The following TSHZ3 variants were observed in gnomAD, a reference collection of about 807,000 sequenced individuals.
The protein encoded by TSHZ3 is teashirt homolog 3.
Under a neutral mutation model 64.5 loss-of-function variants are expected in TSHZ3, and 10 were observed. The observed-to-expected ratio is 0.16, with a 90% CI of 0.10 to 0.26. The LOEUF (loss-of-function observed/expected upper bound fraction) is 0.26, where lower values mean the gene tolerates loss of function less well. Ranked by LOEUF, TSHZ3 falls within the 10% of genes least tolerant of loss-of-function variation. The probability of loss-of-function intolerance (pLI) is 1.00; values close to 1 mark genes in which losing one functional copy is unlikely to be tolerated. For missense variants in TSHZ3, 1,242 were observed against 1,421.7 expected, an observed-to-expected ratio of 0.87 and a Z score of 2.03; for synonymous variants, 608 against 593.1, an observed-to-expected ratio of 1.03 and a Z score of -0.36.
At chr19:31,346,184 G>A (rs1306894222) in intron 1 of TSHZ3, among the ~76,000 whole-genome samples, 15 of 152,170 alleles carry the variant, frequency 9.9e-5, no homozygotes, top group Admixed American at 2.6e-4. Context: ...TATGAAGACC[G>A]TGTGTACCTG....
chr19:31,308,817 G>T (rs748705398), intron 1 of TSHZ3: 1 of 396,482 alleles, frequency 2.5e-6, no homozygotes, highest in Non-Finnish European at 4.4e-6. Context: ...GACTCCTACA[G>T]ATGGGCTTCA....
At chr19:31,344,588 G>T (rs947674920) in intron 1 of TSHZ3, among the ~76,000 whole-genome samples, 2 of 152,230 alleles carry the variant, frequency 1.3e-5, no homozygotes, top group South Asian at 2.1e-4. Context: ...CTGCCTCCCC[G>T]CGGGCCTGCC....
At chr19:31,227,374 C>A (rs150985272) in intron 4 of TSHZ3, among the ~76,000 whole-genome samples, 5 of 152,168 alleles carry the variant, frequency 3.3e-5, no homozygotes, top group Admixed American at 6.5e-5. Flanking sequence ...GGGTCAAGAC[C>A]ATTCACACCC....
intron 1 of TSHZ3, among the ~76,000 whole-genome samples, chr19:31,324,632 T>C (rs1451781768): frequency 1.3e-5 from 2 of 152,236 alleles, no homozygotes; most frequent in Admixed American, 1.3e-4. Context: ...CCCTGAAATC[T>C]GCCCCACCAG....
chr19:31,192,505 T>C (rs1974925694), intron 5 of TSHZ3, among the ~76,000 whole-genome samples: 1 of 152,270 alleles, frequency 6.6e-6, no homozygotes, highest in Non-Finnish European at 1.5e-5. Context: ...TTGCACTTAA[T>C]AGATGTCTTT....
intron 5 of TSHZ3, among the ~76,000 whole-genome samples, chr19:31,196,422 G>A (rs1974994668): frequency 6.6e-6 from 1 of 151,960 alleles, no homozygotes; most frequent in African/African-American, 2.4e-5. Context: ...CAAAGGGAAA[G>A]AGCAATGATT....
chr19:31,277,291 C>T lies in TSHZ3; in HGVS notation c.2502G>A (p.Met834Ile), dbSNP rs377247790. The stretch of plus-strand genomic sequence containing the variant: ...CATTCTCGCGTAGCGGCGAGTTTGA[C>T]ATGAATGATACGACGGCAGATGTCT... ...TAKTSAVVSF[M>I]SNSPLRENAL... is the part of the protein sequence containing the mutation. Residue 834 changes from methionine to isoleucine, a missense_variant, in exon 2 of 2, where the codon ATG (methionine) becomes ATA (isoleucine). This residue lies in a region of TSHZ3 where 550 missense variants were observed against 545.1 expected (regional missense o/e 1.01). Transcript: ENST00000240587. This position sits in a 1 kb window ranked among gnomAD's most constrained non-coding sequence, Gnocchi z 4.5. The T allele has an allele frequency of 4.7e-5, 76 of 1,613,688 alleles. No homozygotes were observed. Among genetic ancestry groups the T allele is most frequent in the Non-Finnish European group, 6.1e-5 (72 of 1,179,686 alleles).
intron 1 of TSHZ3, among the ~76,000 whole-genome samples, chr19:31,323,863 A>ACACACACACAC (rs1916850882): frequency 8.2e-6 from 1 of 122,240 alleles, no homozygotes; most frequent in Non-Finnish European, 1.7e-5. Flanking sequence ...CCTGGCCTCC[A>ACACACACACAC]ACACACACAC....
At chr19:31,248,664 G>A (rs909799508) in intron 1 of TSHZ3, among the ~76,000 whole-genome samples, 1 of 151,316 alleles carries the variant, frequency 6.6e-6, no homozygotes, top group East Asian at 1.9e-4. Flanking sequence ...AGTGGCTTGT[G>A]CCTGTGGTCC....
chr19:31,199,400 C>CAAAAAAAAAAA (rs61428496), intron 5 of TSHZ3, among the ~76,000 whole-genome samples: 1 of 98,594 alleles, frequency 1.0e-5, no homozygotes, highest in Non-Finnish European at 2.0e-5. Flanking sequence ...GAGACTCCGC[C>CAAAAAAAAAAA]AAAAAAAAAA....
Position 31,285,444 on chromosome 19 carries a change from C to T in TSHZ3, c.41-5692G>A, listed in dbSNP as rs1338822867. On this transcript the variant is annotated intron_variant, in intron 1 of 1. Coordinates refer to ENST00000240587, the MANE Select transcript of TSHZ3 (RefSeq NM_020856.4). ...GCAGCGAGTTAGGATCACATCATTG[C>T]ACTAAAGCCTGGGTGACAGAGTGAT... 4.8e-5 allele frequency among the ~76,000 whole-genome samples: 7 copies of T among 147,314 alleles called. No individual in the cohort carries two copies. In the East Asian group the frequency reaches 1.0e-3, roughly 21 times the overall value.
At chr19:31,350,127 T>C (rs1431842910), upstream of TSHZ3, among the ~76,000 whole-genome samples, 1 of 114,268 alleles carries the variant, frequency 8.8e-6, no homozygotes, top group Non-Finnish European at 1.8e-5. Context: ...ACCCGCCGAC[T>C]CCGGAGCCCC....
At chr19:31,324,904 A>T (rs1192576475) in intron 1 of TSHZ3, among the ~76,000 whole-genome samples, 2 of 152,228 alleles carry the variant, frequency 1.3e-5, no homozygotes, top group Non-Finnish European at 2.9e-5. Flanking sequence ...TCCAAGGAAC[A>T]GTTAGAAAAA....
chr19:31,286,856 G>C (rs575584200), intron 1 of TSHZ3, among the ~76,000 whole-genome samples: 1 of 152,196 alleles, frequency 6.6e-6, no homozygotes, highest in Admixed American at 6.5e-5. Context: ...GATGACAAAC[G>C]TATCATGTCC....
At chr19:31,245,971 G>C (rs903876690) in intron 1 of TSHZ3, among the ~76,000 whole-genome samples, 1 of 152,080 alleles carries the variant, frequency 6.6e-6, no homozygotes, top group Non-Finnish European at 1.5e-5. Context: ...GAAATGGCTG[G>C]GCATTCCTTT....
chr19:31,169,300 T>C lies in TSHZ3; in HGVS notation n.810-12883A>G, dbSNP rs1395713173. On this transcript the variant is annotated intron_variant and non_coding_transcript_variant, in intron 5 of 6. Coordinates refer to the TSHZ3 transcript ENST00000651361. Reference sequence around the variant, plus strand: ...GCTATTGGGTCTATACCCTGAAGAATTGAAGAGATACTTGTACACCCATGT... The same window carrying C: ...GCTATTGGGTCTATACCCTGAAGAACTGAAGAGATACTTGTACACCCATGT... Among the ~76,000 whole-genome samples the C allele has an allele frequency of 5.9e-5, 9 of 152,178 alleles. 1 individual carries two copies. The South Asian group carries it at 1.0e-3, about 18-fold the overall frequency.
In TSHZ3 at chr19:31,277,486, C is replaced by T; in HGVS notation, c.2307G>A (p.Leu769=). Residue 769 remains leucine (L), a synonymous_variant, in exon 2 of 2, where the codon CTG becomes CTA. Transcript: ENST00000240587. This position sits in a 1 kb window ranked among gnomAD's most constrained non-coding sequence, Gnocchi z 4.5. Reference sequence around the variant, plus strand: ...CGAGGTGGTCTGCCTTCTTGGACTGCAGGGGCGGCGGGGTGGCCACAGCAG... The same window carrying T: ...CGAGGTGGTCTGCCTTCTTGGACTGTAGGGGCGGCGGGGTGGCCACAGCAG... ...EKAAVATPPP[L]QSKKADHLDR... is the part of the protein sequence containing the mutation. The T allele has an allele frequency of 6.2e-7, 1 of 1,610,738 alleles. No individual in the cohort carries two copies. The highest frequency in any genetic ancestry group is 8.5e-7 in the Non-Finnish European group (1 of 1,177,758).
At chr19:31,255,448 G>A (rs1233418520) in intron 1 of TSHZ3, among the ~76,000 whole-genome samples, 17 of 152,102 alleles carry the variant, frequency 1.1e-4, no homozygotes, top group African/African-American at 3.1e-4. Flanking sequence ...GGGGATTTGC[G>A]TCTGCCTCAA....
At chr19:31,260,408 G>A (rs1344618247) in intron 1 of TSHZ3, among the ~76,000 whole-genome samples, 3 of 152,160 alleles carry the variant, frequency 2.0e-5, no homozygotes, top group African/African-American at 7.2e-5. Context: ...CAGTGGTCAG[G>A]TCTGGGTTCA....
Sources: allele counts gnomAD v4.1 joint callset (sites outside exome capture counted in the v4.1 genomes callset), GRCh38; gene constraint gnomAD v4.1.1; regional missense constraint gnomAD v4.1.1; non-coding constraint Gnocchi (gnomAD v3.1); transcripts MANE v1.5; gene names NCBI Gene and HGNC (gene_info 2026-07-23, HGNC 2026-07-21).